Variants in NAV2 observed in about 807,000 individuals in gnomAD.
NAV2 encodes the protein helicase, APC down-regulated 1.
Under a neutral mutation model 223.2 loss-of-function variants are expected in NAV2, and 54 were observed. The ratio of observed to expected loss-of-function variants is 0.24; its 90% CI spans 0.19 to 0.30. The LOEUF (loss-of-function observed/expected upper bound fraction) is 0.30. NAV2 is among the 10% of genes least tolerant of loss of function. NAV2 has a pLI of 1.00. For synonymous variants in NAV2, 1,279 were observed against 1,239.3 expected (o/e 1.03, Z -0.67); for missense variants, 2,806 against 3,147.5 (o/e 0.89, Z 2.60).
At chr11:19,473,825 C>T (rs1351252291) in intron 1 of NAV2, among the ~76,000 whole-genome samples, 4 of 152,202 alleles carry the variant, frequency 2.6e-5, no homozygotes, top group Non-Finnish European at 5.9e-5. Context: ...AAAGAATTGT[C>T]TCACCCAAGA....
chr11:19,751,337 C>A (rs1460478537), intron 1 of NAV2, among the ~76,000 whole-genome samples: 1 of 152,156 alleles, frequency 6.6e-6, no homozygotes, highest in African/African-American at 2.4e-5. Context: ...CTCATTTACT[C>A]TTAGACTGGA....
At chr11:20,070,956 A>T (rs10766620) in intron 22 of NAV2, among the ~76,000 whole-genome samples, 83,887 of 151,710 alleles carry the variant, frequency 0.55, 23,996 homozygotes, top group East Asian at 0.92. Context: ...CAGGTTTTTT[A>T]AATTTTTTTT....
At chr11:19,463,916 C>T (rs1025430413) in intron 1 of NAV2, among the ~76,000 whole-genome samples, 1 of 152,028 alleles carries the variant, frequency 6.6e-6, no homozygotes, top group Non-Finnish European at 1.5e-5. Context: ...TCACCATGCC[C>T]CAGGGAGCAG....
intron 1 of NAV2, among the ~76,000 whole-genome samples, chr11:19,594,243 A>G (rs1209362998): frequency 2.0e-5 from 3 of 152,184 alleles, no homozygotes; most frequent in African/African-American, 7.2e-5. Context: ...GTACCAGGTC[A>G]TCGGCCCATT....
chr11:19,896,282 T>C (rs897776285), intron 6 of NAV2, among the ~76,000 whole-genome samples: 2 of 152,170 alleles, frequency 1.3e-5, no homozygotes, highest in Non-Finnish European at 2.9e-5. Context: ...CTTTTCATCT[T>C]GCAAAATTGA....
At chr11:20,071,883 A>G (rs977252821) in intron 22 of NAV2, among the ~76,000 whole-genome samples, 2 of 152,046 alleles carry the variant, frequency 1.3e-5, no homozygotes, top group African/African-American at 4.8e-5. Flanking sequence ...ATTTTCTTCA[A>G]TGTTGTAGGT....
intron 11 of NAV2, among the ~76,000 whole-genome samples, chr11:20,009,859 C>T (rs764841981): frequency 3.3e-5 from 5 of 152,146 alleles, no homozygotes; most frequent in African/African-American, 1.2e-4. Context: ...AATGTCACCT[C>T]CTCCAGGAAG....
At chr11:19,741,193 T>C (rs1270438238) in intron 1 of NAV2, among the ~76,000 whole-genome samples, 4 of 152,282 alleles carry the variant, frequency 2.6e-5, no homozygotes, top group Admixed American at 2.6e-4. Flanking sequence ...CATATACTTG[T>C]ACATAGTGAA....
chr11:19,587,375 C>T (rs1420589975), intron 1 of NAV2, among the ~76,000 whole-genome samples: 1 of 152,150 alleles, frequency 6.6e-6, no homozygotes, highest in Non-Finnish European at 1.5e-5. Context: ...AGTGAGCTGC[C>T]CCACTGTCCT....
intron 1 of NAV2, among the ~76,000 whole-genome samples, chr11:19,577,047 C>A (rs1402182557): frequency 3.3e-5 from 5 of 152,202 alleles, no homozygotes; most frequent in Non-Finnish European, 7.3e-5. Flanking sequence ...CCAGGAAGTG[C>A]CTTGCACAAT....
chr11:20,028,869 G>A (rs757872766), intron 11 of NAV2, among the ~76,000 whole-genome samples: 7 of 152,166 alleles, frequency 4.6e-5, no homozygotes, highest in Non-Finnish European at 8.8e-5. Context: ...GAGTTGAGTT[G>A]TAACGCCTCT....
intron 1 of NAV2, among the ~76,000 whole-genome samples, chr11:19,620,755 C>T (rs947094921): frequency 1.3e-5 from 2 of 152,074 alleles, no homozygotes; most frequent in Admixed American, 1.3e-4. Flanking sequence ...CTTTTATTTC[C>T]TTCTCCTGCC....
chr11:19,865,161 T>C (rs1211390703), intron 3 of NAV2, among the ~76,000 whole-genome samples: 5 of 152,246 alleles, frequency 3.3e-5, no homozygotes, highest in Non-Finnish European at 7.3e-5. Flanking sequence ...GTCTTTTCTT[T>C]CACTCTGCCT....
chr11:19,426,360 C>G (rs1192450212), intron 1 of NAV2, among the ~76,000 whole-genome samples: 3 of 152,200 alleles, frequency 2.0e-5, no homozygotes, highest in Non-Finnish European at 4.4e-5. Flanking sequence ...GGCTTTCTTC[C>G]TCATCCCTCT....
At chr11:19,434,041 G>T (rs1333777390) in intron 1 of NAV2, among the ~76,000 whole-genome samples, 2 of 152,060 alleles carry the variant, frequency 1.3e-5, no homozygotes, top group Non-Finnish European at 1.5e-5. Flanking sequence ...TGACTATTTT[G>T]CACACACTCC....
intron 1 of NAV2, among the ~76,000 whole-genome samples, chr11:19,452,046 C>T (rs76384550): frequency 0.077 from 11,745 of 151,684 alleles, 473 homozygotes; most frequent in South Asian, 0.097. Flanking sequence ...ATCCTCACTA[C>T]GTGGTTCACG....
chr11:19,672,144 C>T (rs1288788890), intron 1 of NAV2, among the ~76,000 whole-genome samples: 1 of 152,228 alleles, frequency 6.6e-6, no homozygotes, highest in African/African-American at 2.4e-5. Flanking sequence ...ACCAGCACTA[C>T]ATCTCCTGGG....
intron 1 of NAV2, among the ~76,000 whole-genome samples, chr11:19,448,191 C>T (rs1851658420): frequency 6.6e-6 from 1 of 152,126 alleles, no homozygotes; most frequent in Non-Finnish European, 1.5e-5. Flanking sequence ...TTCCTTTGCC[C>T]TCAGTCAGGC....
intron 1 of NAV2, among the ~76,000 whole-genome samples, chr11:19,653,500 C>T (rs2048030114): frequency 1.3e-5 from 2 of 152,146 alleles, no homozygotes; most frequent in African/African-American, 2.4e-5. Context: ...TCCCATTTTG[C>T]AGATAAGAAA....
Sources: gnomAD v4.1 joint callset for allele counts (sites outside exome capture counted in the v4.1 genomes callset) on GRCh38, gnomAD v4.1.1 for gene constraint, MANE v1.5 for transcripts, NCBI Gene and HGNC (gene_info 2026-07-23, HGNC 2026-07-21) for gene names.